SPTBN1: variants seen among roughly 807,000 people sequenced by gnomAD.
SPTBN1 encodes the protein spectrin beta, non-erythrocytic 1.
Under a neutral mutation model 266.4 loss-of-function variants are expected in SPTBN1, and 32 were observed. The observed-to-expected ratio is 0.12, with a 90% CI of 0.09 to 0.16. SPTBN1 has a LOEUF of 0.16. Ranked by LOEUF, SPTBN1 falls within the 10% of genes least tolerant of loss-of-function variation. SPTBN1 has a pLI of 1.00. For missense variants in SPTBN1, 2,296 were observed against 3,067.1 expected (o/e 0.75, Z 5.94); for synonymous variants, 1,336 against 1,162.2 (o/e 1.15, Z -3.04).
At chr2:54,545,074 G>C (rs1027718917) in intron 2 of SPTBN1, among the ~76,000 whole-genome samples, 1 of 152,152 alleles carries the variant, frequency 6.6e-6, no homozygotes, top group African/African-American at 2.4e-5. Context: ...ATGGTTTCCA[G>C]CTTCATCCAT....
chr2:54,510,479 G>C (rs1669799363), intron 1 of SPTBN1, among the ~76,000 whole-genome samples: 1 of 152,188 alleles, frequency 6.6e-6, no homozygotes, highest in African/African-American at 2.4e-5. Context: ...ACTTCTCTCT[G>C]TGCAGAGTCA....
chr2:54,618,113 C>T lies in SPTBN1; in HGVS notation c.683C>T (p.Ser228Phe). 1.2e-6 allele frequency: 2 copies of T among 1,614,180 alleles called. No homozygotes were observed. Among genetic ancestry groups the T allele is most frequent in the Non-Finnish European group, 1.7e-6 (2 of 1,180,024 alleles). Reference protein sequence around the residue: ...DLIDFDKLKKSNAHYNLQNAF... With the variant: ...DLIDFDKLKKFNAHYNLQNAF... ...ATAGATTTTGACAAACTAAAGAAAT[C>T]TAACGCACACTACAACCTGCAGAAT... The change falls in exon 7 of 36, where the codon TCT becomes TTT. Residue 228 changes from serine to phenylalanine, a missense_variant. Physicochemically the swap from Ser to Phe is radical, Grantham distance 155. Around this residue, in one of 12 missense-constraint regions of SPTBN1, gnomAD observed 178 missense variants for 375.7 expected, o/e 0.47. Transcript: ENST00000356805.
rs1672780069 is a variant in SPTBN1, at chr2:54,554,973, G to C, written c.148+28407G>C. Among the ~76,000 whole-genome samples the C allele has an allele frequency of 6.6e-6, 1 of 152,090 alleles. No individual in the cohort carries two copies. Among genetic ancestry groups the C allele is most frequent in the Non-Finnish European group, 1.5e-5 (1 of 68,018 alleles). ...TCTAACTCCCTGTAACCCAGCTTTT[G>C]CTTTTATTAACCCAGTTGACCTGCT... On this transcript the variant is annotated intron_variant, in intron 2 of 35. Coordinates refer to ENST00000356805, the MANE Select transcript of SPTBN1 (RefSeq NM_003128.3). The surrounding 1 kb of genome is among the most constrained non-coding windows in gnomAD (Gnocchi z 4.5).
chr2:54,613,064 G>C (rs1040027706), intron 4 of SPTBN1, among the ~76,000 whole-genome samples: 1 of 152,202 alleles, frequency 6.6e-6, no homozygotes, highest in African/African-American at 2.4e-5. Context: ...TATAGTGGGT[G>C]CCTCTGACCC....
chr2:54,480,263 G>A (rs1212722838), intron 1 of SPTBN1, among the ~76,000 whole-genome samples: 2 of 152,218 alleles, frequency 1.3e-5, no homozygotes, highest in Non-Finnish European at 2.9e-5. Flanking sequence ...GGGAGGTTGA[G>A]TGGGTGGGGA....
Position 54,626,268 on chromosome 2 carries a change from T to C in SPTBN1, c.1644+34T>C. On this transcript the variant is annotated intron_variant, in intron 12 of 35. Transcript: ENST00000356805. The surrounding 1 kb of genome is among the most constrained non-coding windows in gnomAD (Gnocchi z 4.7). ...TGACCGAAAGGAAGGACGACAGAGCTGATCCAACCAGGGCTCTCTTTTCTG... is the reference window on the plus strand; with the variant it reads ...TGACCGAAAGGAAGGACGACAGAGCCGATCCAACCAGGGCTCTCTTTTCTG... The C allele has an allele frequency of 1.3e-6, 2 of 1,592,168 alleles. No individual in the cohort carries two copies. The highest frequency in any genetic ancestry group is 1.7e-6 in the Non-Finnish European group (2 of 1,167,232).
chr2:54,489,535 A>G (rs1234575968), intron 1 of SPTBN1, among the ~76,000 whole-genome samples: 1 of 150,524 alleles, frequency 6.6e-6, no homozygotes, highest in Non-Finnish European at 1.5e-5. Context: ...ACCCCGTCTT[A>G]CTAAAAATAC....
chr2:54,558,858 A>G lies in SPTBN1; in HGVS notation c.148+32292A>G. ...GGGCAGGTGCCTTACAACTACAACC[A>G]GCTGGAAGGCAGATTCAAGCAGCTG... On this transcript the variant is annotated intron_variant, in intron 2 of 35. Transcript: ENST00000356805. This position sits in a 1 kb window ranked among gnomAD's most constrained non-coding sequence, Gnocchi z 4.6. 6.2e-7 allele frequency: 1 copy of G among 1,613,958 alleles called. No individual in the cohort carries two copies. Among genetic ancestry groups the G allele is most frequent in the Non-Finnish European group, 8.5e-7 (1 of 1,179,890 alleles).
chr2:54,645,092 C>T lies in SPTBN1; in HGVS notation c.4270-137C>T. The stretch of plus-strand genomic sequence containing the variant: ...GTTCCATTGATGTTGAAAAGCAAGT[C>T]AGTGGCAAAATGTTTGAGTGGCTCC... On this transcript the variant is annotated intron_variant, in intron 20 of 35. Transcript: ENST00000356805. This position sits in a 1 kb window ranked among gnomAD's most constrained non-coding sequence, Gnocchi z 4.3. 1.3e-6 allele frequency: 1 copy of T among 797,752 alleles called. No homozygotes were observed. Among genetic ancestry groups the T allele is most frequent in the South Asian group, 1.8e-5 (1 of 56,920 alleles). The allele number at this position is 797,752 out of a possible 1,614,324, so 49.4% of individuals were successfully genotyped here.
chr2:54,645,655 GA>G lies in SPTBN1; in HGVS notation c.4494+203del, dbSNP rs1679876044. Among the ~76,000 whole-genome samples the G allele has an allele frequency of 6.6e-6, 1 of 152,114 alleles. No individual in the cohort carries two copies. The highest frequency in any genetic ancestry group is 2.1e-4 in the South Asian group (1 of 4,814). ...CATTGGTCCTCTCACGTTATCTAGG[GA>G]TACTGTAGGATTTTAATGGCCCTAA... On this transcript the variant is annotated intron_variant, in intron 21 of 35. Coordinates refer to ENST00000356805, the MANE Select transcript of SPTBN1 (RefSeq NM_003128.3). The surrounding 1 kb of genome is among the most constrained non-coding windows in gnomAD (Gnocchi z 4.3).
intron 1 of SPTBN1, among the ~76,000 whole-genome samples, chr2:54,510,046 C>T (rs184558127): frequency 4.6e-5 from 7 of 151,764 alleles, no homozygotes; most frequent in Non-Finnish European, 7.4e-5. Context: ...GCAACCTCCG[C>T]CTCCCAGGCT....
Position 54,474,350 on chromosome 2 carries a change from A to G in SPTBN1, c.-48+17832A>G, listed in dbSNP as rs1667694095. Among the ~76,000 whole-genome samples, 4 of 152,124 alleles carry G rather than the reference A, an allele frequency of 2.6e-5. No homozygotes were observed. The South Asian group carries it at 8.3e-4, about 32-fold the overall frequency. ...GGACTATATATTCTGGAGGCAATAC[A>G]GTGTGTAGTTAAAAGTGCTGACCGT... On this transcript the variant is annotated intron_variant, in intron 1 of 35. Transcript: ENST00000356805.
intron 2 of SPTBN1, among the ~76,000 whole-genome samples, chr2:54,585,363 C>G (rs1412189589): frequency 6.6e-6 from 1 of 152,182 alleles, no homozygotes; most frequent in Admixed American, 6.5e-5. Context: ...TGCTACCCTG[C>G]CTGTTGGCTA....
intron 2 of SPTBN1, among the ~76,000 whole-genome samples, chr2:54,542,034 A>C (rs1671969368): frequency 6.6e-6 from 1 of 152,222 alleles, no homozygotes; most frequent in African/African-American, 2.4e-5. Flanking sequence ...AAGTACACCT[A>C]AGTGATCTAT....
At chr2:54,535,378 A>G (rs1257583342) in intron 2 of SPTBN1, among the ~76,000 whole-genome samples, 1 of 152,326 alleles carries the variant, frequency 6.6e-6, no homozygotes, top group Middle Eastern at 3.4e-3. Flanking sequence ...AAGAAATCCC[A>G]TGTACGTTAG....
chr2:54,492,349 G>GTTT (rs542155672), intron 1 of SPTBN1, among the ~76,000 whole-genome samples: 5 of 132,634 alleles, frequency 3.8e-5, no homozygotes, highest in African/African-American at 1.1e-4. Flanking sequence ...TTGTTTTTTT[G>GTTT]TTTTTTTTTT....
intron 10 of SPTBN1, among the ~76,000 whole-genome samples, chr2:54,624,015 C>T (rs189168305): frequency 2.0e-4 from 30 of 152,338 alleles, no homozygotes; most frequent in Middle Eastern, 6.8e-3. Context: ...CAATTTTAAT[C>T]ATCATGCCTA....
At chr2:54,557,349 C>T (rs1319869638) in intron 2 of SPTBN1, among the ~76,000 whole-genome samples, 3 of 146,664 alleles carry the variant, frequency 2.0e-5, no homozygotes, top group African/African-American at 7.7e-5. Flanking sequence ...CTGGAAATGC[C>T]AAAAGTGTAA....
At chr2:54,644,693 A>C in intron 20 of SPTBN1, 107 bp downstream of exon 20, 1 of 1,455,392 alleles carries the variant, frequency 6.9e-7, no homozygotes, top group Non-Finnish European at 9.2e-7. Flanking sequence ...CTTCCATGGG[A>C]AGGCATTTTT....
Sources: allele counts gnomAD v4.1 joint callset (sites outside exome capture counted in the v4.1 genomes callset), GRCh38; gene constraint gnomAD v4.1.1; regional missense constraint gnomAD v4.1.1; non-coding constraint Gnocchi (gnomAD v3.1); transcripts MANE v1.5; gene names NCBI Gene and HGNC (gene_info 2026-07-23, HGNC 2026-07-21).